Variants in TOX2 observed in about 807,000 individuals in gnomAD.
TOX2 encodes granulosa cell HMG box 1.
Under a neutral mutation model 47.4 loss-of-function variants are expected in TOX2, and 15 were observed. The observed-to-expected ratio is 0.32, with a 90% CI of 0.21 to 0.49. The LOEUF (loss-of-function observed/expected upper bound fraction) is 0.49. Among genes scored for constraint, TOX2 ranks in the 20% least tolerant of loss-of-function variants. The pLI, the probability that TOX2 is intolerant of heterozygous loss-of-function variation, is 0.99. For missense variants in TOX2, 622 were observed against 673.1 expected (o/e 0.92, Z 0.84); for synonymous variants, 290 against 296.6 (o/e 0.98, Z 0.23).
intron 1 of TOX2, among the ~76,000 whole-genome samples, chr20:43,965,283 G>A (rs185751398): frequency 1.3e-5 from 2 of 152,320 alleles, no homozygotes; most frequent in Admixed American, 6.5e-5. Context: ...ATGAGGATGA[G>A]CTTTAAGCTG....
At chr20:43,994,686 G>A (rs980561932) in intron 2 of TOX2, among the ~76,000 whole-genome samples, 9 of 152,006 alleles carry the variant, frequency 5.9e-5, no homozygotes, top group East Asian at 3.9e-4. Context: ...GAGCCTCCCC[G>A]TCCCTGCCCG....
chr20:43,986,627 G>A (rs2070272136), intron 2 of TOX2, among the ~76,000 whole-genome samples: 1 of 152,260 alleles, frequency 6.6e-6, no homozygotes, highest in African/African-American at 2.4e-5. Flanking sequence ...CGGAGAATAT[G>A]TAAAAGACTA....
chr20:43,926,037 T>C (rs2069162796), intron 1 of TOX2, among the ~76,000 whole-genome samples: 1 of 152,192 alleles, frequency 6.6e-6, no homozygotes, highest in Non-Finnish European at 1.5e-5. Flanking sequence ...TAAAATGTGC[T>C]TATTTCGAAG....
chr20:44,021,302 G>C (rs1375011479), intron 3 of TOX2, among the ~76,000 whole-genome samples: 1 of 152,192 alleles, frequency 6.6e-6, no homozygotes, highest in East Asian at 1.9e-4. Context: ...GACAGACTCA[G>C]ACATTTGCAG....
At chr20:43,917,124 C>G (rs2069063844) in intron 1 of TOX2, among the ~76,000 whole-genome samples, 1 of 152,126 alleles carries the variant, frequency 6.6e-6, no homozygotes, top group Non-Finnish European at 1.5e-5. Context: ...TGACTTTGCA[C>G]TTGGATGTGA....
rs1469471579 is a variant in TOX2 at position 43,927,640 on chromosome 20, C to CTTCCTTCCTTCT, written c.99+12651_99+12652insTCCTTCCTTCTT. On this transcript the variant is annotated intron_variant, in intron 1 of 8. Transcript: ENST00000341197. Reference sequence around the variant, plus strand: ...TCCTTCCTTCCTCCTTCCTTCCTTCCTCCCCTTCCCTTCCCTTCCCCTTCC... The same window carrying CTTCCTTCCTTCT: ...TCCTTCCTTCCTCCTTCCTTCCTTCCTTCCTTCCTTCTTCCCCTTCCCTTCCCTTCCCCTTCC... 6.3e-5 allele frequency among the ~76,000 whole-genome samples: 8 copies of CTTCCTTCCTTCT among 127,934 alleles called. 1 individual carries two copies. The highest frequency in any genetic ancestry group is 3.0e-4 in the African/African-American group (8 of 27,112). 83.9% of individuals were successfully genotyped at this position (127,934 alleles called of 152,430 possible).
chr20:44,024,980 C>T (rs762170938), intron 3 of TOX2, among the ~76,000 whole-genome samples: 11 of 152,192 alleles, frequency 7.2e-5, no homozygotes, highest in South Asian at 2.1e-4. Context: ...TATACTTCCA[C>T]GTGCATAATT....
intron 3 of TOX2, among the ~76,000 whole-genome samples, chr20:44,035,688 T>C (rs529731713): frequency 6.6e-6 from 1 of 152,272 alleles, no homozygotes; most frequent in African/African-American, 2.4e-5. Context: ...TGCCCAGGCA[T>C]TGGGACCCTG....
intron 3 of TOX2, among the ~76,000 whole-genome samples, chr20:44,022,062 A>G (rs111575852): frequency 0.015 from 2,238 of 152,302 alleles, 49 homozygotes; most frequent in African/African-American, 0.051. Context: ...CGTCACCCAC[A>G]CATGCGTCCA....
At chr20:43,979,210 T>A (rs558345023) in intron 2 of TOX2, among the ~76,000 whole-genome samples, 103 of 152,260 alleles carry the variant, frequency 6.8e-4, no homozygotes, top group African/African-American at 2.4e-3. Flanking sequence ...CTTGAGCTCA[T>A]AAGAGAAGTA....
chr20:43,945,956 G>T (rs575271004), intron 1 of TOX2: 105 of 1,613,806 alleles, frequency 6.5e-5, no homozygotes, highest in Non-Finnish European at 8.6e-5. Context: ...GCGTTCTCTC[G>T]CTGCCTGGGC....
intron 3 of TOX2, among the ~76,000 whole-genome samples, chr20:44,029,625 C>G (rs77131391): frequency 6.6e-6 from 1 of 152,148 alleles, no homozygotes; most frequent in Non-Finnish European, 1.5e-5. Flanking sequence ...TCCAGTCACC[C>G]GCTTCTGCAG....
intron 5 of TOX2, among the ~76,000 whole-genome samples, chr20:44,063,856 G>A (rs1041771446): frequency 6.6e-6 from 1 of 152,050 alleles, no homozygotes; most frequent in African/African-American, 2.4e-5. Flanking sequence ...AATGGCATTT[G>A]CAGCAACCTG....
At chr20:43,997,068 T>C (rs1400713118) in intron 2 of TOX2, among the ~76,000 whole-genome samples, 1 of 152,188 alleles carries the variant, frequency 6.6e-6, no homozygotes, top group African/African-American at 2.4e-5. Flanking sequence ...ACTCCAACTC[T>C]CAACAAGCTC....
chr20:43,996,733 T>A (rs529079884), intron 2 of TOX2, among the ~76,000 whole-genome samples: 1 of 152,120 alleles, frequency 6.6e-6, no homozygotes, highest in South Asian at 2.1e-4. Context: ...TTCTCTCAGC[T>A]CTTAGGTGGG....
intron 3 of TOX2, among the ~76,000 whole-genome samples, chr20:44,023,496 G>A (rs1193630329): frequency 6.6e-6 from 1 of 151,800 alleles, no homozygotes; most frequent in East Asian, 1.9e-4. Context: ...GGGTAGCAAG[G>A]ACTGGACAGG....
intron 1 of TOX2, among the ~76,000 whole-genome samples, chr20:43,955,764 A>T (rs1175677883): frequency 6.6e-6 from 1 of 152,178 alleles, no homozygotes; most frequent in Non-Finnish European, 1.5e-5. Flanking sequence ...TCTAGTTTTG[A>T]ATCACTGCCA....
At chr20:44,043,027 G>T (rs2071358193) in intron 3 of TOX2, among the ~76,000 whole-genome samples, 1 of 152,162 alleles carries the variant, frequency 6.6e-6, no homozygotes, top group Non-Finnish European at 1.5e-5. Context: ...AACTGGAGGA[G>T]GAACAGTTTT....
At chr20:43,994,457 T>A (rs1403713309) in intron 2 of TOX2, among the ~76,000 whole-genome samples, 2 of 55,998 alleles carry the variant, frequency 3.6e-5, no homozygotes, top group Non-Finnish European at 7.6e-5. Flanking sequence ...AGACCCTGTC[T>A]CCAAAAAAAA....
Sources: allele counts gnomAD v4.1 joint callset (sites outside exome capture counted in the v4.1 genomes callset), GRCh38; gene constraint gnomAD v4.1.1; transcripts MANE v1.5; gene names NCBI Gene and HGNC (gene_info 2026-07-23, HGNC 2026-07-21).